The following NEK1 variants were observed in gnomAD, a reference collection of about 807,000 sequenced individuals.
NEK1 encodes the protein serine/threonine-protein kinase Nek1.
In NEK1, 137 loss-of-function variants were observed where a neutral mutation model predicts 182.1. The observed-to-expected ratio is 0.75, with a 90% CI of 0.65 to 0.87. The LOEUF (loss-of-function observed/expected upper bound fraction) is 0.87. Among genes scored for constraint, NEK1 ranks in the 40% least tolerant of loss-of-function variants. The probability of loss-of-function intolerance (pLI) is 0.00; values close to 1 mark genes in which losing one functional copy is unlikely to be tolerated. For synonymous variants in NEK1, 513 were observed against 492.2 expected, an observed-to-expected ratio of 1.04 and a Z score of -0.56; for missense variants, 1,391 against 1,494.4, an observed-to-expected ratio of 0.93 and a Z score of 1.14.
chr4:169,580,251 C>A (rs1165990960), intron 11 of NEK1, among the ~76,000 whole-genome samples: 1 of 151,986 alleles, frequency 6.6e-6, no homozygotes, highest in East Asian at 1.9e-4. Context: ...AATCTCAGCT[C>A]TTTGGGAGGC....
At chr4:169,573,487 G>A (rs970336933) in intron 12 of NEK1, among the ~76,000 whole-genome samples, 2 of 152,160 alleles carry the variant, frequency 1.3e-5, no homozygotes, top group African/African-American at 4.8e-5. Context: ...CCAGCTTCAG[G>A]CACAAATGAA....
intron 23 of NEK1, among the ~76,000 whole-genome samples, chr4:169,495,661 T>C (rs1056437789): frequency 2.0e-5 from 3 of 152,244 alleles, no homozygotes; most frequent in African/African-American, 7.2e-5. Context: ...AAATAGGGAA[T>C]CCTTTCCTCA....
At chr4:169,557,782 T>A (rs1280492447) in intron 16 of NEK1, among the ~76,000 whole-genome samples, 1 of 151,852 alleles carries the variant, frequency 6.6e-6, no homozygotes, top group Non-Finnish European at 1.5e-5. Flanking sequence ...ATACAAAAAA[T>A]TAGCCGGGCG....
In NEK1 at chr4:169,477,168, G is replaced by A. The variant is rs750048254; in HGVS notation, c.2390C>T (p.Pro797Leu). 6.2e-7 allele frequency: 1 copy of A among 1,607,902 alleles called. No individual in the cohort carries two copies. The highest frequency in any genetic ancestry group is 8.5e-7 in the Non-Finnish European group (1 of 1,176,848). The change falls in exon 26 of 36, where the codon CCT becomes CTT. Residue 797 changes from proline to leucine, a missense_variant. Pro to Leu is a moderately conservative substitution (Grantham distance 98, BLOSUM62 -3). Coordinates refer to ENST00000507142, the MANE Select transcript of NEK1 (RefSeq NM_001199397.3). ...KWEAGGQLVI[P>L]LDELTLDTSF... ...TGTATCTAGTGTTAACTCATCCAGA[G>A]GAATCACAAGTTGACCTCCTGCCTC...
In NEK1 at chr4:169,394,424, G is replaced by T; in HGVS notation, c.*86C>A. Reference sequence around the variant, plus strand: ...AATCTGATTTTTTAAATAAATAATTGCTGTATTTCCCACTGAAGCTTGTTA... The same window carrying T: ...AATCTGATTTTTTAAATAAATAATTTCTGTATTTCCCACTGAAGCTTGTTA... On this transcript the variant is annotated 3_prime_UTR_variant, in exon 36 of 36. Transcript: ENST00000507142. The T allele has an allele frequency of 3.8e-6, 3 of 784,334 alleles. No homozygotes were observed. The highest frequency in any genetic ancestry group is 2.6e-5 in the Admixed American group (1 of 38,754). 48.6% of individuals were successfully genotyped at this position (784,334 alleles called of 1,614,324 possible).
chr4:169,526,632 A>G (rs898233769), intron 19 of NEK1, among the ~76,000 whole-genome samples: 2 of 152,256 alleles, frequency 1.3e-5, no homozygotes, highest in Non-Finnish European at 2.9e-5. Flanking sequence ...TTCCCAAAGC[A>G]GTTAATAAAT....
chr4:169,587,775 T>A (rs1580989177), intron 8 of NEK1, among the ~76,000 whole-genome samples, 162 bp from the exon 9 acceptor site: 1 of 152,094 alleles, frequency 6.6e-6, no homozygotes, highest in South Asian at 2.1e-4. Context: ...AAAGTAGCTG[T>A]CCCAGATTGG....
chr4:169,541,816 T>C (rs529152771), intron 18 of NEK1, among the ~76,000 whole-genome samples: 1 of 152,260 alleles, frequency 6.6e-6, no homozygotes, highest in African/African-American at 2.4e-5. Flanking sequence ...TGACACACTG[T>C]CATTTCAACC....
At chr4:169,514,142 C>G (rs780639274) in intron 19 of NEK1, among the ~76,000 whole-genome samples, 1 of 151,992 alleles carries the variant, frequency 6.6e-6, no homozygotes, top group Admixed American at 6.6e-5. Context: ...CCTGCCACCA[C>G]GCCTGGCTAA....
chr4:169,458,610 C>T (rs972873828), intron 27 of NEK1, among the ~76,000 whole-genome samples: 8 of 151,904 alleles, frequency 5.3e-5, no homozygotes, highest in African/African-American at 1.9e-4. Context: ...CACTGGTGGT[C>T]CCAGCTACTT....
intron 35 of NEK1, among the ~76,000 whole-genome samples, chr4:169,399,292 T>C (rs1315251645): frequency 6.6e-6 from 1 of 151,898 alleles, no homozygotes; most frequent in Non-Finnish European, 1.5e-5. Context: ...AGAACTATTC[T>C]AGGGCCAGGC....
intron 16 of NEK1, among the ~76,000 whole-genome samples, chr4:169,557,745 C>G (rs1762356041): frequency 6.6e-6 from 1 of 151,972 alleles, no homozygotes; most frequent in Non-Finnish European, 1.5e-5. Context: ...CTAGCCTGGG[C>G]AAATTGGCGA....
intron 23 of NEK1, among the ~76,000 whole-genome samples, chr4:169,501,734 C>A (rs1304666021): frequency 1.3e-5 from 2 of 152,098 alleles, no homozygotes; most frequent in Non-Finnish European, 2.9e-5. Context: ...ACCAAAACCT[C>A]TGAGATATGG....
intron 18 of NEK1, among the ~76,000 whole-genome samples, chr4:169,541,415 T>C (rs1269712229): frequency 3.3e-5 from 5 of 152,108 alleles, no homozygotes; most frequent in African/African-American, 4.8e-5. Flanking sequence ...AGAAGAGGTA[T>C]GTTATTAAGA....
chr4:169,552,187 T>C (rs1465739397), intron 18 of NEK1, among the ~76,000 whole-genome samples: 2 of 152,044 alleles, frequency 1.3e-5, no homozygotes, highest in Non-Finnish European at 2.9e-5. Context: ...ATTATACACA[T>C]AGTAATTAAA....
In NEK1 at chr4:169,393,783, A is replaced by C. The variant is rs552558685; in HGVS notation, c.*727T>G. ...TATGCTAAGTCAGTGTTAAATCCAC[A>C]GACTAATTTTTCGATATAGTATTCC... On this transcript the variant is annotated 3_prime_UTR_variant, in exon 36 of 36. Transcript: ENST00000507142. The C allele has an allele frequency of 6.6e-6, 1 of 152,358 alleles. No individual in the cohort carries two copies. Among genetic ancestry groups the C allele is most frequent in the South Asian group, 2.1e-4 (1 of 4,828 alleles). 9.4% of individuals were successfully genotyped at this position (152,358 alleles called of 1,614,324 possible). A position where few individuals can be genotyped will look rare whatever the true frequency, so the allele number is the denominator to read the frequency against.
At chr4:169,553,832 GACA>G (rs1178176189) in intron 18 of NEK1, among the ~76,000 whole-genome samples, 1 of 152,144 alleles carries the variant, frequency 6.6e-6, no homozygotes, top group Non-Finnish European at 1.5e-5. Flanking sequence ...CCGAAACACT[GACA>G]ACACTAAATG....
At chr4:169,460,849 C>T (rs555291043) in intron 27 of NEK1, among the ~76,000 whole-genome samples, 1 of 151,984 alleles carries the variant, frequency 6.6e-6, no homozygotes, top group African/African-American at 2.4e-5. Context: ...GCAGCCAAAT[C>T]GACCCTCACA....
rs534649967 is a variant in NEK1 at position 169,479,467 on chromosome 4, G to T, written c.2075C>A (p.Ser692Tyr). 6.2e-7 allele frequency: 1 copy of T among 1,611,880 alleles called. No individual in the cohort carries two copies. Among genetic ancestry groups the T allele is most frequent in the Non-Finnish European group, 8.5e-7 (1 of 1,178,910 alleles). The part of the protein sequence containing the change: ...PPLGQHETGG[S>Y]PSKQQMRSVI... ...AGATCTCATCTGTTGCTTTGATGGA[G>T]AGCCACCTGTTTCATGCTGTCCCAA... Residue 692 changes from serine to tyrosine, a missense_variant, in exon 24 of 36, where the codon TCT becomes TAT. Ser to Tyr is a moderately radical substitution (Grantham distance 144). Around this residue, in one of 5 missense-constraint regions of NEK1, gnomAD observed 1,216 missense variants for 1,277.6 expected, o/e 0.95. Transcript: ENST00000507142.
Sources: allele counts gnomAD v4.1 joint callset (sites outside exome capture counted in the v4.1 genomes callset), GRCh38; gene constraint gnomAD v4.1.1; regional missense constraint gnomAD v4.1.1; transcripts MANE v1.5; gene names NCBI Gene and HGNC (gene_info 2026-07-23, HGNC 2026-07-21).